Variants in SPAST observed in about 807,000 individuals in gnomAD.
SPAST encodes the protein spastin.
Under a neutral mutation model 76.6 loss-of-function variants are expected in SPAST, and 30 were observed. That is an observed-to-expected ratio of 0.39 (90% CI 0.29 to 0.53). The LOEUF (loss-of-function observed/expected upper bound fraction) is 0.53, where lower values mean the gene tolerates loss of function less well. SPAST is among the 20% of genes least tolerant of loss of function. The pLI is 0.68. For missense variants in SPAST, 717 were observed against 770.5 expected (o/e 0.93, Z 0.82); for synonymous variants, 305 against 281.0 (o/e 1.09, Z -0.86).
intron 2 of SPAST, among the ~76,000 whole-genome samples, chr2:32,087,914 C>T (rs914091255): frequency 2.0e-5 from 3 of 150,194 alleles, no homozygotes; most frequent in Non-Finnish European, 3.0e-5. Context: ...GACAGAGTCT[C>T]GCTCTTTTGC....
chr2:32,139,128 G>T (rs1038180650), intron 12 of SPAST, among the ~76,000 whole-genome samples: 1 of 152,062 alleles, frequency 6.6e-6, no homozygotes, highest in Non-Finnish European at 1.5e-5. Context: ...GGATTGCTTT[G>T]TCTATTTGGA....
intron 1 of SPAST, among the ~76,000 whole-genome samples, chr2:32,078,431 C>G (rs1308329144): frequency 6.6e-6 from 1 of 152,178 alleles, no homozygotes; most frequent in Non-Finnish European, 1.5e-5. Context: ...CCTCCTTAGC[C>G]TCCCAAAGTG....
intron 7 of SPAST, among the ~76,000 whole-genome samples, chr2:32,122,316 TTGTTTTGTTTTC>T (rs1436851515): frequency 6.6e-6 from 1 of 152,000 alleles, no homozygotes; most frequent in African/African-American, 2.4e-5. Context: ...TTACTAGGTT[TTGTTTTGTTTTC>T]TGTTTTGTTT....
intron 3 of SPAST, among the ~76,000 whole-genome samples, chr2:32,094,583 C>T (rs139886323): frequency 5.3e-4 from 80 of 152,288 alleles, no homozygotes; most frequent in African/African-American, 1.7e-3. Context: ...AGAACTCATG[C>T]GGAGAGGGAT....
At position 32,115,660 on chromosome 2, in the gene SPAST, T is replaced by C. The variant is rs760129366; in HGVS notation, c.871-42T>C. ...TTAACTTATTTATGAAAAGTGTAAA[T>C]GTTAGGTTGTATTTTCATATTAAAA... On this transcript the variant is annotated intron_variant, in intron 5 of 16. Coordinates refer to ENST00000315285, the MANE Select transcript of SPAST (RefSeq NM_014946.4). 19 of 1,461,440 alleles carry C rather than the reference T, an allele frequency of 1.3e-5. No individual in the cohort carries two copies. The South Asian group carries it at 2.3e-4, about 17-fold the overall frequency. 90.5% of individuals were successfully genotyped at this position (1,461,440 alleles called of 1,614,324 possible). A position where few individuals can be genotyped will look rare whatever the true frequency, so the allele number is the denominator to read the frequency against.
At chr2:32,121,535 C>CT (rs34519148) in intron 7 of SPAST, among the ~76,000 whole-genome samples, 49,402 of 102,648 alleles carry the variant, frequency 0.48, 12,749 homozygotes, top group Non-Finnish European at 0.51. Context: ...ATCTTTCTCA[C>CT]TTTTTTTTTT....
At chr2:32,066,616 C>T (rs1348207140) in intron 1 of SPAST, among the ~76,000 whole-genome samples, 1 of 150,660 alleles carries the variant, frequency 6.6e-6, no homozygotes, top group Non-Finnish European at 1.5e-5. Context: ...TGCAGTGAGC[C>T]GAGATCGTGC....
At position 32,089,305 on chromosome 2, in the gene SPAST, G is replaced by A. The variant is rs527587291; in HGVS notation, c.503-217G>A. On this transcript the variant is annotated intron_variant, in intron 2 of 16. Coordinates refer to ENST00000315285, the MANE Select transcript of SPAST (RefSeq NM_014946.4). ...TTCTGCTTTGTCTGCCCAGAGTGCT[G>A]GGATTACAGAAGTGAGCCACAACAC... is the stretch of plus-strand genomic sequence containing the variant. Among the ~76,000 whole-genome samples the A allele has an allele frequency of 3.0e-4, 45 of 150,474 alleles. No individual in the cohort carries two copies. The East Asian group carries it at 8.4e-3, about 28-fold the overall frequency.
At chr2:32,072,183 C>T (rs1331283297) in intron 1 of SPAST, among the ~76,000 whole-genome samples, 3 of 150,832 alleles carry the variant, frequency 2.0e-5, no homozygotes, top group African/African-American at 2.4e-5. Flanking sequence ...GCTGGGACTA[C>T]AGGCGCTGGC....
At chr2:32,153,637 A>G (rs1292213981) in intron 16 of SPAST, among the ~76,000 whole-genome samples, 3 of 151,932 alleles carry the variant, frequency 2.0e-5, no homozygotes, top group East Asian at 1.9e-4. Flanking sequence ...TAATTTTTCT[A>G]TTGCCTGGAC....
chr2:32,088,352 A>T (rs1034345608), intron 2 of SPAST, among the ~76,000 whole-genome samples: 2 of 151,658 alleles, frequency 1.3e-5, no homozygotes, highest in African/African-American at 4.8e-5. Flanking sequence ...TTATCTTAAT[A>T]AATGTATTTG....
At chr2:32,083,776 A>ATATATATT (rs1553398791) in intron 1 of SPAST, among the ~76,000 whole-genome samples, 5 of 46,074 alleles carry the variant, frequency 1.1e-4, no homozygotes, top group South Asian at 1.9e-3. Context: ...ATATATATAT[A>ATATATATT]TTTTTTTTTT....
intron 1 of SPAST, among the ~76,000 whole-genome samples, chr2:32,069,283 A>T (rs1676652779): frequency 6.6e-6 from 1 of 150,786 alleles, no homozygotes; most frequent in Non-Finnish European, 1.5e-5. Context: ...TTTTTTCTTT[A>T]GGAGATTGAA....
chr2:32,085,442 C>G lies in SPAST; in HGVS notation c.416-2050C>G, dbSNP rs535472374. ...ATGTTGCCCAAGCTGGGCTTGAGCTCCTGGGCTCAAGCAGTCCTCCTGCCT... is the reference window on the plus strand; with the variant it reads ...ATGTTGCCCAAGCTGGGCTTGAGCTGCTGGGCTCAAGCAGTCCTCCTGCCT... On this transcript the variant is annotated intron_variant, in intron 1 of 16. Coordinates refer to ENST00000315285, the MANE Select transcript of SPAST (RefSeq NM_014946.4). Among the ~76,000 whole-genome samples the G allele has an allele frequency of 8.5e-4, 130 of 152,192 alleles. 1 individual carries two copies. Among genetic ancestry groups the G allele is most frequent in the Admixed American group, 3.1e-3 (48 of 15,284 alleles).
chr2:32,135,585 G>T (rs183915444), intron 9 of SPAST, among the ~76,000 whole-genome samples: 1 of 152,112 alleles, frequency 6.6e-6, no homozygotes, highest in East Asian at 1.9e-4. Context: ...GTATAAAATG[G>T]CCTTTGTATG....
chr2:32,116,456 A>G (rs1198003707), intron 7 of SPAST, among the ~76,000 whole-genome samples: 2 of 152,128 alleles, frequency 1.3e-5, no homozygotes, highest in East Asian at 1.9e-4. Context: ...AGTGGGTAGT[A>G]TGATATAATT....
chr2:32,065,933 ATGTGTT>A (rs1030049636), intron 1 of SPAST: 1 of 147,994 alleles, frequency 6.8e-6, no homozygotes, highest in African/African-American at 2.5e-5. Context: ...TAAGAATACT[ATGTGTT>A]TGTAGAAGGA....
At chr2:32,117,981 A>T (rs1462616491) in intron 7 of SPAST, among the ~76,000 whole-genome samples, 1 of 152,196 alleles carries the variant, frequency 6.6e-6, no homozygotes, top group Non-Finnish European at 1.5e-5. Flanking sequence ...GATAATAAAT[A>T]TTTGGCTTTC....
intron 12 of SPAST, among the ~76,000 whole-genome samples, chr2:32,139,415 C>T (rs564707285): frequency 1.6e-4 from 24 of 152,256 alleles, no homozygotes; most frequent in African/African-American, 5.8e-4. Context: ...AATGATTTTA[C>T]CCCAAGATTC....
Sources: gnomAD v4.1 joint callset for allele counts (sites outside exome capture counted in the v4.1 genomes callset) on GRCh38, gnomAD v4.1.1 for gene constraint, MANE v1.5 for transcripts, NCBI Gene and HGNC (gene_info 2026-07-23, HGNC 2026-07-21) for gene names.